Variants in PON3 observed in about 807,000 individuals in gnomAD.
The protein encoded by PON3 is paraoxonase 3, also known as serum paraoxonase/lactonase 3.
Under a neutral mutation model 36.3 loss-of-function variants are expected in PON3, and 37 were observed. That is an observed-to-expected ratio of 1.02 (90% CI 0.78 to 1.34). PON3 has a LOEUF of 1.34. Ranked by LOEUF, PON3 falls within the 40% of genes most tolerant of loss-of-function variation. The pLI, the probability that PON3 is intolerant of heterozygous loss-of-function variation, is 0.00. For synonymous variants in PON3, 155 were observed against 154.8 expected (o/e 1.00, Z -0.01); for missense variants, 415 against 426.5 (o/e 0.97, Z 0.24).
Position 95,362,766 on chromosome 7 carries a change from T to G in PON3, c.771A>C (p.Gln257His). 6.2e-7 allele frequency: 1 copy of G among 1,606,724 alleles called. No individual in the cohort carries two copies. Among genetic ancestry groups the G allele is most frequent in the Non-Finnish European group, 8.5e-7 (1 of 1,173,406 alleles). ...CCAGACAGGGTACTCTTACCTTCAG[T>G]TGAGTTAAATCCCAGTTATCATGTT... ...MEKHDNWDLT[Q>H]LKVIQLGTLV... The change falls in exon 7 of 9, where the codon CAA becomes CAC. Residue 257 changes from glutamine to histidine, a missense_variant. Physicochemically the swap from Gln to His is conservative, Grantham distance 24. Transcript: ENST00000265627.
intron 4 of PON3, among the ~76,000 whole-genome samples, chr7:95,370,879 G>C (rs1808794639): frequency 6.6e-6 from 1 of 152,114 alleles, no homozygotes; most frequent in African/African-American, 2.4e-5. Context: ...TCACAGAATT[G>C]TGCAACCATA....
intron 2 of PON3, among the ~76,000 whole-genome samples, chr7:95,390,886 G>GC (rs1474810918): frequency 6.6e-6 from 1 of 152,132 alleles, no homozygotes; most frequent in Non-Finnish European, 1.5e-5. Context: ...TGCACGACAG[G>GC]CCCCATGCAT....
At chr7:95,379,894 A>G (rs1340104225) in intron 3 of PON3, among the ~76,000 whole-genome samples, 1 of 152,182 alleles carries the variant, frequency 6.6e-6, no homozygotes, top group Non-Finnish European at 1.5e-5. Context: ...TGAGAACAGA[A>G]AGACTGCCTC....
intron 2 of PON3, among the ~76,000 whole-genome samples, chr7:95,393,972 C>A (rs1055632097): frequency 6.6e-5 from 10 of 152,278 alleles, no homozygotes; most frequent in Non-Finnish European, 1.2e-4. Context: ...CAGCTCACTG[C>A]AACCTCCGAT....
chr7:95,388,571 C>CA, intron 3 of PON3, among the ~76,000 whole-genome samples: 1 of 152,288 alleles, frequency 6.6e-6, no homozygotes, highest in African/African-American at 2.4e-5. Flanking sequence ...CCACTTGATC[C>CA]AGCAATCCCA....
Position 95,360,108 on chromosome 7 carries a change from CA to C in PON3, c.929del (p.Leu310CysfsTer7). On this transcript the variant is annotated frameshift_variant, in exon 9 of 9. Coordinates refer to ENST00000265627, the MANE Select transcript of PON3 (RefSeq NM_000940.3). LOFTEE classifies it high-confidence loss of function. ...CGGTGCTCACCCTGGGCTTCTCAGA[CA>C]AAACATTCTGGATGCGAAGTACCTG... ...GSEVLRIQNV[L>X]SEKPRVSTVY... The C allele has an allele frequency of 6.2e-7, 1 of 1,613,688 alleles. No homozygotes were observed. Among genetic ancestry groups the C allele is most frequent in the Non-Finnish European group, 8.5e-7 (1 of 1,179,650 alleles).
intron 3 of PON3, among the ~76,000 whole-genome samples, chr7:95,383,454 C>T (rs955628029): frequency 6.6e-6 from 1 of 152,116 alleles, no homozygotes; most frequent in African/African-American, 2.4e-5. Context: ...CTAGAAAACC[C>T]CATTGTCTCA....
chr7:95,375,842 A>T (rs1026991062), intron 3 of PON3, among the ~76,000 whole-genome samples: 3 of 152,226 alleles, frequency 2.0e-5, no homozygotes, highest in Non-Finnish European at 4.4e-5. Flanking sequence ...TTTTCATACC[A>T]TTCACTGGTG....
chr7:95,383,269 A>G (rs1676740229), intron 3 of PON3, among the ~76,000 whole-genome samples: 1 of 152,234 alleles, frequency 6.6e-6, no homozygotes, highest in African/African-American at 2.4e-5. Flanking sequence ...AAAAACTGGA[A>G]GCATTCCCTT....
chr7:95,388,271 G>A (rs1443063939), intron 3 of PON3, among the ~76,000 whole-genome samples: 1 of 152,168 alleles, frequency 6.6e-6, no homozygotes, highest in Non-Finnish European at 1.5e-5. Flanking sequence ...CCGTCAAAAA[G>A]TGGGCAAAGA....
intron 5 of PON3, among the ~76,000 whole-genome samples, chr7:95,366,163 C>T (rs1006801638): frequency 1.3e-5 from 2 of 152,126 alleles, no homozygotes; most frequent in African/African-American, 4.8e-5. Flanking sequence ...ATCAGGTGTG[C>T]CCTCAGGCTG....
At position 95,360,019 on chromosome 7, in the gene PON3, A is replaced by T. The variant is rs762810433; in HGVS notation, c.1019T>A (p.Ile340Asn). The T allele has an allele frequency of 1.2e-6, 2 of 1,613,254 alleles. No homozygotes were observed. The highest frequency in any genetic ancestry group is 2.2e-5 in the South Asian group (2 of 91,048). The change falls in exon 9 of 9, where the codon ATT becomes AAT. Residue 340 changes from isoleucine to asparagine, a missense_variant. By Grantham distance (149) the Ile-to-Asn change is moderately radical. Coordinates refer to ENST00000265627, the MANE Select transcript of PON3 (RefSeq NM_000940.3). ...TSVASVYHGK[I>N]LIGTVFHKTL... Reference sequence around the variant, plus strand: ...TTTGTGAAATACGGTGCCTATGAGAATTTTCCCATGGTACACAGAAGCCAC... The same window carrying T: ...TTTGTGAAATACGGTGCCTATGAGATTTTTCCCATGGTACACAGAAGCCAC...
chr7:95,384,363 T>A (rs1209923332), intron 3 of PON3, among the ~76,000 whole-genome samples: 3 of 152,058 alleles, frequency 2.0e-5, no homozygotes, highest in African/African-American at 7.2e-5. Context: ...TGGGATCTCA[T>A]TAAACTAAAG....
intron 3 of PON3, among the ~76,000 whole-genome samples, chr7:95,379,078 C>CAAA (rs34582490): frequency 1.0e-4 from 15 of 146,220 alleles, no homozygotes; most frequent in Non-Finnish European, 1.2e-4. Context: ...AAATAAAAAG[C>CAAA]AAAAAAAAAA....
intron 3 of PON3, among the ~76,000 whole-genome samples, chr7:95,373,476 G>C (rs2116392580): frequency 6.6e-6 from 1 of 152,312 alleles, no homozygotes; most frequent in Non-Finnish European, 1.5e-5. Flanking sequence ...AAGCTCATCA[G>C]AGGAGGCACT....
At chr7:95,368,814 C>CAAAAAAAAAAAAAAAAAA (rs11388951) in intron 4 of PON3, among the ~76,000 whole-genome samples, 3 of 133,110 alleles carry the variant, frequency 2.3e-5, no homozygotes, top group East Asian at 2.1e-4. Context: ...CAAAAACAAA[C>CAAAAAAAAAAAAAAAAAA]AAAAAAAAAA....
chr7:95,367,767 T>C (rs1808731310), intron 4 of PON3, among the ~76,000 whole-genome samples: 1 of 152,204 alleles, frequency 6.6e-6, no homozygotes, highest in African/African-American at 2.4e-5. Flanking sequence ...ATGCATAACC[T>C]GTCTAACAGG....
Position 95,396,350 on chromosome 7 carries a change from T to TA in PON3, c.-1_1insT, listed in dbSNP as rs1562780190. 5 of 1,613,698 alleles carry TA rather than the reference T, an allele frequency of 3.1e-6. No individual in the cohort carries two copies. The highest frequency in any genetic ancestry group is 4.2e-6 in the Non-Finnish European group (5 of 1,179,810). On this transcript the variant is annotated 5_prime_UTR_variant, in exon 1 of 9. Coordinates refer to ENST00000265627, the MANE Select transcript of PON3 (RefSeq NM_000940.3). Reference sequence around the variant, plus strand: ...AGGACCAGCGCCACGAGCTTCCCCATGGTCTCGGGGTGCCCAGCGGCGACT... The same window carrying TA: ...AGGACCAGCGCCACGAGCTTCCCCATAGGTCTCGGGGTGCCCAGCGGCGACT...
chr7:95,388,097 A>C (rs1379222774), intron 3 of PON3, among the ~76,000 whole-genome samples: 12 of 150,590 alleles, frequency 8.0e-5, no homozygotes, highest in Non-Finnish European at 1.5e-5. Context: ...AATGGGATCT[A>C]ATTAAACTAA....
Sources: gnomAD v4.1 joint callset for allele counts (sites outside exome capture counted in the v4.1 genomes callset) on GRCh38, gnomAD v4.1.1 for gene constraint, MANE v1.5 for transcripts, NCBI Gene and HGNC (gene_info 2026-07-23, HGNC 2026-07-21) for gene names.